Variants in INPP5A observed in about 807,000 individuals in gnomAD.
The protein encoded by INPP5A is inositol polyphosphate-5-phosphatase A.
Under a neutral mutation model 65.2 loss-of-function variants are expected in INPP5A, and 14 were observed. The ratio of observed to expected loss-of-function variants is 0.21; its 90% CI spans 0.14 to 0.34. INPP5A has a LOEUF of 0.34. Among genes scored for constraint, INPP5A ranks in the 10% least tolerant of loss-of-function variants. The pLI is 1.00. For synonymous variants in INPP5A, 207 were observed against 208.3 expected (o/e 0.99, Z 0.05); for missense variants, 431 against 545.6 (o/e 0.79, Z 2.09).
chr10:132,755,807 G>A (rs994147709), intron 11 of INPP5A, among the ~76,000 whole-genome samples: 2 of 152,106 alleles, frequency 1.3e-5, no homozygotes, highest in Non-Finnish European at 2.9e-5. Flanking sequence ...AGGCTCCAGG[G>A]GCCTGACACG....
intron 1 of INPP5A, among the ~76,000 whole-genome samples, chr10:132,604,220 C>T (rs1288330989): frequency 6.7e-6 from 1 of 150,312 alleles, no homozygotes; most frequent in Non-Finnish European, 1.5e-5. Context: ...GGTCCCCTCT[C>T]CATCCTGCCC....
intron 12 of INPP5A, among the ~76,000 whole-genome samples, chr10:132,772,389 G>A (rs78579112): frequency 1.6e-3 from 131 of 83,764 alleles, no homozygotes; most frequent in East Asian, 5.0e-3. Flanking sequence ...GCACTGACAC[G>A]GAGGCCACGG....
chr10:132,562,618 C>T (rs753961620), intron 1 of INPP5A, among the ~76,000 whole-genome samples: 10 of 152,248 alleles, frequency 6.6e-5, no homozygotes, highest in Non-Finnish European at 1.5e-4. Flanking sequence ...ACACACGGCA[C>T]GAGTGTGGCC....
At chr10:132,624,819 C>T (rs978016820) in intron 2 of INPP5A, among the ~76,000 whole-genome samples, 1 of 152,110 alleles carries the variant, frequency 6.6e-6, no homozygotes, top group Non-Finnish European at 1.5e-5. Flanking sequence ...ACCCCACCCC[C>T]GCCCTGGCCT....
At chr10:132,578,303 C>T (rs866806356) in intron 1 of INPP5A, among the ~76,000 whole-genome samples, 1 of 152,174 alleles carries the variant, frequency 6.6e-6, no homozygotes, top group East Asian at 1.9e-4. Flanking sequence ...CTGTGTGGTG[C>T]TCTGTCTATG....
In INPP5A at chr10:132,683,037, C is replaced by T. The variant is rs535859364; in HGVS notation, c.307-7355C>T. On this transcript the variant is annotated intron_variant, in intron 4 of 15. Transcript: ENST00000368594. ...TGTGGAGGGCACGTCTCCTGTGACC[C>T]AGCAAGGCCATCTGTGTATTATATA... Among the ~76,000 whole-genome samples the T allele has an allele frequency of 7.3e-5, 11 of 150,798 alleles. No individual in the cohort carries two copies. The South Asian group carries it at 8.4e-4, about 11-fold the overall frequency.
intron 8 of INPP5A, among the ~76,000 whole-genome samples, chr10:132,713,045 GGT>G (rs1314868873): frequency 2.6e-5 from 4 of 151,404 alleles, no homozygotes; most frequent in South Asian, 4.2e-4. Flanking sequence ...CGTGTGTGTG[GGT>G]GTGTGTGCAT....
chr10:132,645,304 T>A (rs1242879326), intron 2 of INPP5A, among the ~76,000 whole-genome samples: 1 of 152,198 alleles, frequency 6.6e-6, no homozygotes, highest in Non-Finnish European at 1.5e-5. Flanking sequence ...CGTGAGTTGC[T>A]GCTGTGTGTC....
chr10:132,724,619 A>G (rs1210805359), intron 8 of INPP5A, among the ~76,000 whole-genome samples: 3 of 151,808 alleles, frequency 2.0e-5, no homozygotes, highest in Non-Finnish European at 4.4e-5. Flanking sequence ...CACACACCAT[A>G]TTCACCGCAG....
rs2275268 is a variant in INPP5A at position 132,705,461 on chromosome 10, A to G, written c.475-2852A>G. On this transcript the variant is annotated intron_variant, in intron 6 of 15. Transcript: ENST00000368594. This position sits in a 1 kb window ranked among gnomAD's most constrained non-coding sequence, Gnocchi z 4.9. ...TTGGCAAGCAGGGCAGCCTGAGCAC[A>G]GCAGGGGATGTGGGCTCAGTACCAG... Among the ~76,000 whole-genome samples, 3,380 of 152,322 alleles carry G rather than the reference A, an allele frequency of 0.022. 54 individuals carry two copies. Among genetic ancestry groups the G allele is most frequent in the South Asian group, 0.04 (191 of 4,830 alleles).
intron 4 of INPP5A, among the ~76,000 whole-genome samples, chr10:132,670,279 T>C (rs2072869641): frequency 1.2e-5 from 1 of 83,010 alleles, no homozygotes; most frequent in Non-Finnish European, 2.3e-5. Flanking sequence ...CCCCACATCC[T>C]CTGCATACTC....
At chr10:132,556,751 G>T (rs1052790076) in intron 1 of INPP5A, among the ~76,000 whole-genome samples, 1 of 151,728 alleles carries the variant, frequency 6.6e-6, no homozygotes, top group East Asian at 1.9e-4. Flanking sequence ...GCATTGCCTT[G>T]GTTACTTGTA....
At position 132,727,855 on chromosome 10, in the gene INPP5A, C is replaced by G. The variant is rs1282336218; in HGVS notation, c.732+950C>G. Among the ~76,000 whole-genome samples the G allele has an allele frequency of 6.6e-6, 1 of 152,098 alleles. No homozygotes were observed. The highest frequency in any genetic ancestry group is 1.5e-5 in the Non-Finnish European group (1 of 68,010). On this transcript the variant is annotated intron_variant, in intron 9 of 15. Transcript: ENST00000368594. This position sits in a 1 kb window ranked among gnomAD's most constrained non-coding sequence, Gnocchi z 6.5. ...GGACATGGTGAGTTGGATGGGGACA[C>G]AGTGAGTTGGATGGGAACACGGTGA...
intron 2 of INPP5A, among the ~76,000 whole-genome samples, chr10:132,638,947 T>G (rs1387458510): frequency 6.6e-6 from 1 of 152,206 alleles, no homozygotes; most frequent in African/African-American, 2.4e-5. Flanking sequence ...ATATATGACA[T>G]AGTTTATATG....
intron 2 of INPP5A, among the ~76,000 whole-genome samples, chr10:132,609,210 CAT>C (rs1341602277): frequency 2.0e-5 from 3 of 152,230 alleles, no homozygotes; most frequent in Non-Finnish European, 2.9e-5. Flanking sequence ...CTTTTGAAAA[CAT>C]ATATTTACAA....
intron 8 of INPP5A, among the ~76,000 whole-genome samples, chr10:132,718,296 G>A (rs1232214103): frequency 2.7e-5 from 4 of 148,076 alleles, no homozygotes; most frequent in Admixed American, 6.8e-5. Flanking sequence ...GGGCGCCTTA[G>A]ACAGCTGTCT....
At chr10:132,686,508 A>G (rs1048394048) in intron 4 of INPP5A, among the ~76,000 whole-genome samples, 13 of 152,314 alleles carry the variant, frequency 8.5e-5, no homozygotes, top group East Asian at 7.7e-4. Context: ...TCCTGGCCCA[A>G]TGTCCTGGTG....
intron 1 of INPP5A, among the ~76,000 whole-genome samples, chr10:132,585,483 T>C (rs1328729024): frequency 1.3e-5 from 2 of 152,220 alleles, no homozygotes; most frequent in South Asian, 2.1e-4. Flanking sequence ...TTATCATGGA[T>C]ATGTATGTAT....
intron 1 of INPP5A, among the ~76,000 whole-genome samples, chr10:132,552,270 A>G (rs1590823082): frequency 7.3e-6 from 1 of 137,036 alleles, no homozygotes; most frequent in Non-Finnish European, 1.6e-5. Context: ...TGGCATATTG[A>G]GTGGGATAGG....
Sources: allele counts gnomAD v4.1 joint callset (sites outside exome capture counted in the v4.1 genomes callset), GRCh38; gene constraint gnomAD v4.1.1; non-coding constraint Gnocchi (gnomAD v3.1); transcripts MANE v1.5; gene names NCBI Gene and HGNC (gene_info 2026-07-23, HGNC 2026-07-21).